Variants in BAIAP3 observed in about 807,000 individuals in gnomAD.
The protein encoded by BAIAP3 is BAI1-associated protein 3.
A neutral mutation model predicts 149.7 loss-of-function variants in BAIAP3; 180 were observed. The observed-to-expected ratio is 1.20, with a 90% CI of 1.07 to 1.36. The LOEUF is 1.36. BAIAP3 is among the 40% of genes most tolerant of loss of function. The probability of loss-of-function intolerance (pLI) is 0.00; values close to 1 mark genes in which losing one functional copy is unlikely to be tolerated. For missense variants in BAIAP3, 1,767 were observed against 1,563.4 expected (o/e 1.13, Z -2.20); for synonymous variants, 845 against 670.7 (o/e 1.26, Z -4.02).
At position 1,341,162 on chromosome 16, in the gene BAIAP3, C is replaced by T. The variant is rs1012102124; in HGVS notation, c.502C>T (p.Arg168Cys). Reference protein sequence around the residue: ...PTYALKVSVMRAKNLLAKDPN... With the variant: ...PTYALKVSVMCAKNLLAKDPN... ...GTATGCCCTGAAAGTCTCTGTCATG[C>T]GTGCCAAGAACCTTCTGGCCAAGGA... Residue 168 changes from arginine (R) to cysteine (C), a missense_variant, in exon 7 of 34, where the codon CGT (arginine) becomes TGT (cysteine). Coordinates refer to ENST00000426824, the MANE Select transcript of BAIAP3 (RefSeq NM_001199097.2). The T allele has an allele frequency of 1.2e-5, 20 of 1,612,628 alleles. No homozygotes were observed. The highest frequency in any genetic ancestry group is 2.7e-5 in the African/African-American group (2 of 74,942).
In BAIAP3 at chr16:1,349,184, A is replaced by C. The variant is rs1374651474; in HGVS notation, c.*702A>C. On this transcript the variant is annotated 3_prime_UTR_variant, in exon 34 of 34. Coordinates refer to ENST00000426824, the MANE Select transcript of BAIAP3 (RefSeq NM_001199097.2). Reference sequence around the variant, plus strand: ...TCCACGACCCTTCCAGGCAGAGCCGAGAGTTCGCCCCAACCCTTCCCCAGG... The same window carrying C: ...TCCACGACCCTTCCAGGCAGAGCCGCGAGTTCGCCCCAACCCTTCCCCAGG... 1 of 545,250 alleles carries C rather than the reference A, an allele frequency of 1.8e-6. No individual in the cohort carries two copies. The highest frequency in any genetic ancestry group is 3.3e-6 in the Non-Finnish European group (1 of 303,080). The allele number at this position is 545,250 out of a possible 1,614,324, so 33.8% of individuals were successfully genotyped here.
chr16:1,334,697 GC>G, intron 1 of BAIAP3: 1 of 1,555,500 alleles, frequency 6.4e-7, no homozygotes, highest in Non-Finnish European at 8.7e-7. Flanking sequence ...CAGCGGGCCC[GC>G]CAGGTGACCT....
At chr16:1,341,963 A>G in intron 9 of BAIAP3, 23 bp from the exon 10 acceptor site, 1 of 1,584,708 alleles carries the variant, frequency 6.3e-7, no homozygotes, top group Non-Finnish European at 8.6e-7. Flanking sequence ...CAGACAAGCC[A>G]GGTCCTCCCC....
At chr16:1,339,402 C>T (rs2033698162) in intron 4 of BAIAP3, 94 bp from the exon 5 acceptor site, 2 of 1,479,676 alleles carry the variant, frequency 1.4e-6, no homozygotes, top group Non-Finnish European at 9.2e-7. Context: ...TGCAAAGAGG[C>T]AGAGGTGGGG....
Position 1,343,509 on chromosome 16 carries a change from A to G in BAIAP3, c.1382A>G (p.Glu461Gly), listed in dbSNP as rs1356042659. 1 of 1,606,316 alleles carries G rather than the reference A, an allele frequency of 6.2e-7. No homozygotes were observed. The change falls in exon 15 of 34, where the codon GAG (glutamate) becomes GGG (glycine). Residue 461 changes from glutamate to glycine, a missense_variant. Glu to Gly is a moderately conservative substitution (Grantham distance 98). Coordinates refer to ENST00000426824, the MANE Select transcript of BAIAP3 (RefSeq NM_001199097.2). ...GAAGAGGCTCCTTCACTGCCCCAGG[A>G]GCAGGTGGGTGCAGCCGGGACCTTC... ...HWEEAPSLPQ[E>G]QEESLADSLS...
intron 5 of BAIAP3, among the ~76,000 whole-genome samples, chr16:1,340,602 A>G (rs2141582514): frequency 6.6e-6 from 1 of 152,348 alleles, no homozygotes; most frequent in East Asian, 1.9e-4. Context: ...ACACACACAC[A>G]TACATGCACA....
chr16:1,346,543 G>A, intron 26 of BAIAP3, 33 bp downstream of exon 26: 1 of 1,592,456 alleles, frequency 6.3e-7, no homozygotes, highest in Non-Finnish European at 8.5e-7. Context: ...GTGGAGGACT[G>A]TGTGTACTGG....
At position 1,347,707 on chromosome 16, in the gene BAIAP3, C is replaced by G. The variant is rs767341919; in HGVS notation, c.2911C>G (p.Leu971Val). 5.0e-6 allele frequency: 8 copies of G among 1,611,006 alleles called. No individual in the cohort carries two copies. The Admixed American group carries it at 6.7e-5, about 13-fold the overall frequency. The change falls in exon 31 of 34, where the codon CTG becomes GTG. Residue 971 changes from leucine to valine, a missense_variant. Leu to Val is a conservative substitution (Grantham distance 32). Transcript: ENST00000426824. ...CTCACCCGCCTTTCCGCAGAGGACC[C>G]TGGAGCAGAACCGGTTTGGACGCCT... Reference protein sequence around the residue: ...FYLDKLKQRTLEQNRFGRLSV... With the variant: ...FYLDKLKQRTVEQNRFGRLSV...
rs769536428 is a variant in BAIAP3, at chr16:1,339,538, C to G, written c.343C>G (p.Arg115Gly). The change falls in exon 5 of 34, where the codon CGC becomes GGC. Residue 115 changes from arginine to glycine, a missense_variant. By Grantham distance (125) the Arg-to-Gly change is moderately radical (BLOSUM62 -2). Coordinates refer to ENST00000426824, the MANE Select transcript of BAIAP3 (RefSeq NM_001199097.2). ...YEEALYTVLY[R>G]AGTMGPDQVD... The stretch of plus-strand genomic sequence containing the variant: ...GGAGGCCCTGTACACGGTGCTTTAC[C>G]GCGCGGGTACCATGGGCCCTGACCA... 2 of 1,612,602 alleles carry G rather than the reference C, an allele frequency of 1.2e-6. No individual in the cohort carries two copies. Among genetic ancestry groups the G allele is most frequent in the Non-Finnish European group, 1.7e-6 (2 of 1,179,738 alleles).
intron 1 of BAIAP3, among the ~76,000 whole-genome samples, chr16:1,337,387 G>A (rs544553288): frequency 1.8e-4 from 28 of 152,298 alleles, no homozygotes; most frequent in African/African-American, 5.1e-4. Flanking sequence ...GCTTGGTGGC[G>A]GGCGCCTGTA....
intron 5 of BAIAP3, among the ~76,000 whole-genome samples, 184 bp downstream of exon 5, chr16:1,339,787 C>T (rs11248869): frequency 1.1e-4 from 16 of 142,010 alleles, no homozygotes; most frequent in East Asian, 1.0e-3. Flanking sequence ...CACAGACACA[C>T]GCACACAGGC....
Position 1,342,945 on chromosome 16 carries a change from C to T in BAIAP3, c.1194C>T (p.Ser398=). 2 of 1,612,160 alleles carry T rather than the reference C, an allele frequency of 1.2e-6. No homozygotes were observed. The highest frequency in any genetic ancestry group is 1.7e-5 in the Admixed American group (1 of 60,030). ...PNSSSWRGEL[S]TPAATILCLH... is the part of the protein sequence containing the mutation. ...CCAGCAGCTGGCGAGGAGAGCTCAG[C>T]ACACCAGCCGCCACCATCCTCTGCC... The change falls in exon 14 of 34, where the codon AGC becomes AGT. Residue 398 remains serine (S), a synonymous_variant. Transcript: ENST00000426824.
intron 5 of BAIAP3, among the ~76,000 whole-genome samples, chr16:1,340,490 T>C (rs376507713): frequency 0.014 from 521 of 37,792 alleles, no homozygotes; most frequent in Middle Eastern, 0.068. Context: ...GCTGCAGGTG[T>C]ACACAGACAC....
In BAIAP3 at chr16:1,347,388, T is replaced by C. The variant is rs2034451058; in HGVS notation, c.2823+19T>C. The C allele has an allele frequency of 3.1e-6, 5 of 1,612,268 alleles. No individual in the cohort carries two copies. The East Asian group carries it at 8.9e-5, about 29-fold the overall frequency. ...CTACAAGGTGAGGTGGGACCCTCTG[T>C]GGGGCGGGGGTGTGGATGAGGGGAC... On this transcript the variant is annotated intron_variant, in intron 29 of 33. Transcript: ENST00000426824.
Position 1,342,572 on chromosome 16 carries a change from C to T in BAIAP3, c.1003C>T (p.Arg335Cys), listed in dbSNP as rs779101571. 13 of 1,559,752 alleles carry T rather than the reference C, an allele frequency of 8.3e-6. No homozygotes were observed. In the East Asian group the frequency reaches 1.2e-4, roughly 14 times the overall value. Residue 335 changes from arginine (R) to cysteine (C), a missense_variant, in exon 12 of 34, where the codon CGC (arginine) becomes TGC (cysteine). Physicochemically the swap from Arg to Cys is radical, Grantham distance 180. Coordinates refer to ENST00000426824, the MANE Select transcript of BAIAP3 (RefSeq NM_001199097.2). ...CGACCGCTGGTTCAAGCTGGAGCCA[C>T]GCTCCAGTGCCTCGCGTGTGCAGGG... ...GVDRWFKLEP[R>C]SSASRVQGHC...
intron 1 of BAIAP3, chr16:1,334,611 A>C (rs1480560269): frequency 9.9e-6 from 15 of 1,518,240 alleles, no homozygotes; most frequent in South Asian, 2.4e-5. Context: ...CGGGGAGCCC[A>C]AGGCCACCGG....
chr16:1,348,883 A>AT lies in BAIAP3; in HGVS notation c.*406dup, dbSNP rs2034572120. ...TGCACAACGGGCAATGTGCAGACGC[A>AT]TTTTTGGTAATCACAGCTGGGGAGT... On this transcript the variant is annotated 3_prime_UTR_variant, in exon 34 of 34. Transcript: ENST00000426824. 1 of 295,430 alleles carries AT rather than the reference A, an allele frequency of 3.4e-6. No homozygotes were observed. Among genetic ancestry groups the AT allele is most frequent in the Non-Finnish European group, 6.4e-6 (1 of 155,182 alleles). The allele number at this position is 295,430 out of a possible 1,614,324, so 18.3% of individuals were successfully genotyped here.
chr16:1,344,637 G>C lies in BAIAP3; in HGVS notation c.1696G>C (p.Ala566Pro). Residue 566 changes from alanine to proline, a missense_variant, in exon 19 of 34, where the codon GCT (alanine) becomes CCT (proline). Coordinates refer to ENST00000426824, the MANE Select transcript of BAIAP3 (RefSeq NM_001199097.2). ...GCGCCTGCCTGGGCTGGTTGTGCTGGCTGACGCCGTCTATGATGACCTTCA... is the reference window on the plus strand; with the variant it reads ...GCGCCTGCCTGGGCTGGTTGTGCTGCCTGACGCCGTCTATGATGACCTTCA... The part of the protein sequence containing the change: ...PQRLPGLVVL[A>P]DAVYDDLQFC... 6.2e-7 allele frequency: 1 copy of C among 1,613,304 alleles called. No homozygotes were observed. Among genetic ancestry groups the C allele is most frequent in the Non-Finnish European group, 8.5e-7 (1 of 1,180,026 alleles).
chr16:1,341,188 C>A lies in BAIAP3; in HGVS notation c.528C>A (p.Asp176Glu). Residue 176 changes from aspartate (D) to glutamate (E), a missense_variant, in exon 7 of 34, where the codon GAC becomes GAA. Transcript: ENST00000426824. ...GTGCCAAGAACCTTCTGGCCAAGGA[C>A]CCCAACGGTGAGTGGGGACCCAGCA... ...VMRAKNLLAK[D>E]PNGFSDPYCM... is the part of the protein sequence containing the mutation. 6.2e-7 allele frequency: 1 copy of A among 1,612,610 alleles called. No homozygotes were observed. The highest frequency in any genetic ancestry group is 8.5e-7 in the Non-Finnish European group (1 of 1,179,804).
Sources: gnomAD v4.1 joint callset for allele counts (sites outside exome capture counted in the v4.1 genomes callset) on GRCh38, gnomAD v4.1.1 for gene constraint, MANE v1.5 for transcripts, NCBI Gene and HGNC (gene_info 2026-07-23, HGNC 2026-07-21) for gene names.